Variants in UVRAG observed in about 807,000 individuals in gnomAD.
UVRAG encodes UV radiation resistance-associated gene protein.
UVRAG carries 19 observed loss-of-function variants against 78.0 expected under a neutral mutation model. The observed-to-expected ratio is 0.24, with a 90% CI of 0.17 to 0.36. UVRAG has a LOEUF of 0.36. UVRAG is among the 10% of genes least tolerant of loss of function. The pLI is 1.00. For synonymous variants in UVRAG, 323 were observed against 324.6 expected, an observed-to-expected ratio of 1.00 and a Z score of 0.05; for missense variants, 740 against 853.8, an observed-to-expected ratio of 0.87 and a Z score of 1.66.
chr11:75,986,601 A>G (rs7948123), intron 8 of UVRAG, among the ~76,000 whole-genome samples: 1 of 152,104 alleles, frequency 6.6e-6, no homozygotes, highest in Non-Finnish European at 1.5e-5. Flanking sequence ...GCAGAAAATT[A>G]AAAAATCGGA....
intron 13 of UVRAG, among the ~76,000 whole-genome samples, chr11:76,094,907 A>G (rs1300008451): frequency 1.3e-5 from 2 of 152,100 alleles, no homozygotes; most frequent in Non-Finnish European, 2.9e-5. Flanking sequence ...CATTCTATTT[A>G]GGTCTTTCCT....
At chr11:75,936,695 A>G (rs920673437) in intron 6 of UVRAG, among the ~76,000 whole-genome samples, 8 of 152,154 alleles carry the variant, frequency 5.3e-5, no homozygotes, top group Admixed American at 4.6e-4. Flanking sequence ...CCTGGATTAG[A>G]ATTAGTCATT....
intron 6 of UVRAG, among the ~76,000 whole-genome samples, chr11:75,922,976 A>AAAAAAATATAT (rs1948010535): frequency 6.8e-6 from 1 of 146,330 alleles, no homozygotes; most frequent in African/African-American, 2.5e-5. Flanking sequence ...TATATATAAG[A>AAAAAAATATAT]AAAAAATATA....
chr11:76,131,071 G>C (rs1247192901), intron 14 of UVRAG, among the ~76,000 whole-genome samples: 15 of 151,814 alleles, frequency 9.9e-5, no homozygotes, highest in Admixed American at 9.8e-4. Flanking sequence ...CCATGTTCTC[G>C]TGTAGGATGT....
intron 12 of UVRAG, among the ~76,000 whole-genome samples, chr11:76,047,843 G>A (rs550290702): frequency 1.3e-5 from 2 of 152,350 alleles, no homozygotes; most frequent in Admixed American, 1.3e-4. Flanking sequence ...ATTATGGTGT[G>A]TGTACATGTG....
At chr11:75,846,905 C>T (rs1375328461) in intron 1 of UVRAG, among the ~76,000 whole-genome samples, 1 of 152,028 alleles carries the variant, frequency 6.6e-6, no homozygotes, top group African/African-American at 2.4e-5. Flanking sequence ...CTCACTGCAA[C>T]CTCTGCCTCC....
intron 1 of UVRAG, among the ~76,000 whole-genome samples, chr11:75,832,139 C>A (rs1945672122): frequency 6.6e-6 from 1 of 152,202 alleles, no homozygotes; most frequent in South Asian, 2.1e-4. Flanking sequence ...GTTCCACTTA[C>A]AACACTTCTG....
At chr11:75,965,924 A>T (rs889210990) in intron 7 of UVRAG, among the ~76,000 whole-genome samples, 1 of 152,126 alleles carries the variant, frequency 6.6e-6, no homozygotes, top group African/African-American at 2.4e-5. Flanking sequence ...GACAAAAAAA[A>T]TAGTAAGAAC....
At chr11:75,979,170 A>G (rs545035176) in intron 7 of UVRAG, among the ~76,000 whole-genome samples, 15 of 152,324 alleles carry the variant, frequency 9.8e-5, no homozygotes, top group African/African-American at 1.2e-4. Flanking sequence ...GGGTATCACC[A>G]GTGGAGGCTG....
intron 6 of UVRAG, among the ~76,000 whole-genome samples, chr11:75,930,400 T>C (rs532628696): frequency 1.3e-5 from 2 of 152,342 alleles, no homozygotes; most frequent in South Asian, 4.1e-4. Flanking sequence ...TCTTGAAACA[T>C]TGGAGCTGAA....
chr11:76,020,693 A>G (rs1950230541), intron 12 of UVRAG, among the ~76,000 whole-genome samples: 1 of 138,156 alleles, frequency 7.2e-6, no homozygotes, highest in South Asian at 2.3e-4. Flanking sequence ...TGCGCTGCCT[A>G]AGGTTGGTGA....
chr11:75,927,932 T>C (rs1421318059), intron 6 of UVRAG, among the ~76,000 whole-genome samples: 1 of 152,024 alleles, frequency 6.6e-6, no homozygotes, highest in Admixed American at 6.5e-5. Context: ...TGATTTCTAG[T>C]TTTTAAAAAA....
At chr11:76,098,142 AACTGAAAG>A (rs1297896293) in intron 13 of UVRAG, among the ~76,000 whole-genome samples, 2 of 152,122 alleles carry the variant, frequency 1.3e-5, no homozygotes, top group Non-Finnish European at 2.9e-5. Flanking sequence ...ATATAGTCTT[AACTGAAAG>A]AAGTTAGAAA....
chr11:75,835,245 CG>C lies in UVRAG; in HGVS notation c.118-16635del, dbSNP rs1156292784. 4 of 152,190 alleles carry C rather than the reference CG, an allele frequency of 2.6e-5. No individual in the cohort carries two copies. In the South Asian group the frequency reaches 6.2e-4, roughly 24 times the overall value. 9.4% of individuals were successfully genotyped at this position (152,190 alleles called of 1,614,324 possible). The stretch of plus-strand genomic sequence containing the variant: ...ACTAGTCAAGTGTAGTAGTGAGAAG[CG>C]GGAAAGAGTTGAGCAAATTTGATCT... On this transcript the variant is annotated intron_variant, in intron 1 of 14. Transcript: ENST00000356136.
At chr11:76,043,872 C>T (rs1423412110) in intron 12 of UVRAG, among the ~76,000 whole-genome samples, 1 of 152,178 alleles carries the variant, frequency 6.6e-6, no homozygotes, top group Admixed American at 6.5e-5. Flanking sequence ...CTCTTTGTCA[C>T]CTTAACCCTG....
At chr11:76,009,016 A>G (rs1229296570) in intron 11 of UVRAG, 149 bp downstream of exon 11, 1 of 459,638 alleles carries the variant, frequency 2.2e-6, no homozygotes, top group African/African-American at 2.0e-5. Flanking sequence ...AGACTCCTTG[A>G]TGGGAGATAG....
rs1819119837 is a variant in UVRAG at position 76,091,024 on chromosome 11, C to T, written c.1306-24900C>T. On this transcript the variant is annotated intron_variant, in intron 13 of 14. Coordinates refer to ENST00000356136, the MANE Select transcript of UVRAG (RefSeq NM_003369.4). ...TGTCTTCCTCTTTCTCAGTGTTCTCCCTTGTTTTGTTGGAGCATATCCTTC... is the reference window on the plus strand; with the variant it reads ...TGTCTTCCTCTTTCTCAGTGTTCTCTCTTGTTTTGTTGGAGCATATCCTTC... Among the ~76,000 whole-genome samples the T allele has an allele frequency of 2.6e-5, 4 of 152,148 alleles. No individual in the cohort carries two copies. The South Asian group carries it at 8.3e-4, about 32-fold the overall frequency.
chr11:76,078,400 AT>A (rs1951438194), intron 13 of UVRAG, among the ~76,000 whole-genome samples: 1 of 152,076 alleles, frequency 6.6e-6, no homozygotes, highest in Admixed American at 6.5e-5. Flanking sequence ...CCATATCATA[AT>A]TCTGTATTTA....
intron 6 of UVRAG, among the ~76,000 whole-genome samples, chr11:75,921,093 A>G (rs1292441947): frequency 6.6e-6 from 1 of 152,226 alleles, no homozygotes; most frequent in Non-Finnish European, 1.5e-5. Flanking sequence ...CATGGATTAC[A>G]TTCCCAGCAG....
Sources: allele counts gnomAD v4.1 joint callset (sites outside exome capture counted in the v4.1 genomes callset), GRCh38; gene constraint gnomAD v4.1.1; transcripts MANE v1.5; gene names NCBI Gene and HGNC (gene_info 2026-07-23, HGNC 2026-07-21).